Variants in ZNF268 observed in about 807,000 individuals in gnomAD.
ZNF268 encodes zinc finger protein 3.
Under a neutral mutation model 29.3 loss-of-function variants are expected in ZNF268, and 20 were observed. The ratio of observed to expected loss-of-function variants is 0.68; its 90% confidence interval spans 0.48 to 0.99. The LOEUF (loss-of-function observed/expected upper bound fraction) is 0.99. ZNF268 is among the 50% of genes least tolerant of loss of function. ZNF268 has a pLI of 0.00. For missense variants in ZNF268, 1,240 were observed against 1,121.6 expected, an observed-to-expected ratio of 1.11 and a Z score of -1.51; for synonymous variants, 429 against 376.9, an observed-to-expected ratio of 1.14 and a Z score of -1.60.
At chr12:133,184,797 T>C (rs1956267569) in intron 2 of ZNF268, 2 of 408,674 alleles carry the variant, frequency 4.9e-6, no homozygotes, top group Non-Finnish European at 1.0e-5. Context: ...GCCCCACCTC[T>C]TAATACCATC....
intron 2 of ZNF268, chr12:133,184,603 C>T (rs1457790624): frequency 8.3e-6 from 3 of 362,856 alleles, no homozygotes; most frequent in African/African-American, 4.6e-5. Flanking sequence ...AAGGCCGCAC[C>T]TCTTTATTTA....
At chr12:133,186,283 C>G (rs1956312453) in intron 2 of ZNF268, among the ~76,000 whole-genome samples, 1 of 151,954 alleles carries the variant, frequency 6.6e-6, no homozygotes, top group African/African-American at 2.4e-5. Context: ...TTCTAGGATC[C>G]TAGACCCTGA....
intron 5 of ZNF268, among the ~76,000 whole-genome samples, chr12:133,192,522 G>C (rs1956501280): frequency 6.6e-6 from 1 of 152,018 alleles, no homozygotes; most frequent in Non-Finnish European, 1.5e-5. Context: ...TCCTTCACTT[G>C]ATGTGACTCT....
In ZNF268 at chr12:133,203,115, TGTG is replaced by T; in HGVS notation, c.1432_1434del (p.Gly478del). On this transcript the variant is annotated inframe_deletion, in exon 6 of 6. Transcript: ENST00000536435. Reference sequence around the variant, plus strand: ...AGTAAAGCCCTATGGGTGTATTCAGTGTGGTAAAGGATTCAGTTTGAAATCACA... The same window carrying T: ...AGTAAAGCCCTATGGGTGTATTCAGTGTAAAGGATTCAGTTTGAAATCACA... 1 of 1,537,436 alleles carries T rather than the reference TGTG, an allele frequency of 6.5e-7. No individual in the cohort carries two copies.
rs1401010000 is a variant in ZNF268 at position 133,211,283 on chromosome 12, A to G, written c.*6753A>G. 2.9e-6 allele frequency: 1 copy of G among 349,352 alleles called. No homozygotes were observed. The highest frequency in any genetic ancestry group is 2.1e-5 in the African/African-American group (1 of 46,592). 21.6% of individuals were successfully genotyped at this position (349,352 alleles called of 1,614,324 possible). A position where few individuals can be genotyped will look rare whatever the true frequency, so the allele number is the denominator to read the frequency against. On this transcript the variant is annotated 3_prime_UTR_variant, in exon 6 of 6. Coordinates refer to ENST00000536435, the MANE Select transcript of ZNF268 (RefSeq NM_003415.3). ...GGACAGATCCAAATACATACTTTCC[A>G]AAGATATACAGATGGTGGCCAGGCA...
In ZNF268 at chr12:133,202,359, A is replaced by G; in HGVS notation, c.673A>G (p.Asn225Asp). 1 of 1,611,416 alleles carries G rather than the reference A, an allele frequency of 6.2e-7. No individual in the cohort carries two copies. The highest frequency in any genetic ancestry group is 8.5e-7 in the Non-Finnish European group (1 of 1,178,616). The part of the protein sequence containing the change: ...FTSDYARNNP[N>D]GFQVHGKSFF... ...TAGTGATTATGCTAGAAATAATCCT[A>G]ATGGGTTTCAGGTACATGGAAAATC... is the stretch of plus-strand genomic sequence containing the variant. The change falls in exon 6 of 6, where the codon AAT becomes GAT. Residue 225 changes from asparagine (N) to aspartate (D), a missense_variant. This residue lies in a region of ZNF268 where 1,177 missense variants were observed against 1,039.6 expected (regional missense o/e 1.13). Transcript: ENST00000536435.
rs565059550 is a variant in ZNF268 at position 133,212,445 on chromosome 12, TTATATATATATATATATATA to T, written c.*7949_*7968del. Reference sequence around the variant, plus strand: ...CCAAGGGAGACTTTCATGTGTGATTTTATATATATATATATATATATATATATATATATATATATATATAT... The same window carrying T: ...CCAAGGGAGACTTTCATGTGTGATTTTATATATATATATATATATATATAT... On this transcript the variant is annotated 3_prime_UTR_variant, in exon 6 of 6. Transcript: ENST00000536435. The T allele has an allele frequency of 4.4e-4, 52 of 118,588 alleles. No homozygotes were observed. The highest frequency in any genetic ancestry group is 1.1e-3 in the South Asian group (4 of 3,636). 7.3% of individuals were successfully genotyped at this position (118,588 alleles called of 1,614,324 possible). A position where few individuals can be genotyped will look rare whatever the true frequency, so the allele number is the denominator to read the frequency against.
At chr12:133,194,486 T>G (rs1050625752) in intron 5 of ZNF268, among the ~76,000 whole-genome samples, 4 of 152,124 alleles carry the variant, frequency 2.6e-5, no homozygotes, top group African/African-American at 9.7e-5. Flanking sequence ...CCTGTGGATA[T>G]ACCAGTGGCC....
At position 133,208,125 on chromosome 12, in the gene ZNF268, T is replaced by C. The variant is rs971202858; in HGVS notation, c.*3595T>C. Reference sequence around the variant, plus strand: ...ACTTGGGAAGGCTGAGGCTGGAGGATTGCTGGAACCCAGGAGTTCGAGACA... The same window carrying C: ...ACTTGGGAAGGCTGAGGCTGGAGGACTGCTGGAACCCAGGAGTTCGAGACA... On this transcript the variant is annotated 3_prime_UTR_variant, in exon 6 of 6. Coordinates refer to ENST00000536435, the MANE Select transcript of ZNF268 (RefSeq NM_003415.3). 2 of 152,244 alleles carry C rather than the reference T, an allele frequency of 1.3e-5. No individual in the cohort carries two copies. The highest frequency in any genetic ancestry group is 3.9e-4 in the East Asian group (2 of 5,174). The allele number at this position is 152,244 out of a possible 1,614,324, so 9.4% of individuals were successfully genotyped here.
Position 133,202,669 on chromosome 12 carries a change from G to A in ZNF268, c.983G>A (p.Gly328Glu). 1 of 1,607,690 alleles carries A rather than the reference G, an allele frequency of 6.2e-7. No individual in the cohort carries two copies. The highest frequency in any genetic ancestry group is 8.5e-7 in the Non-Finnish European group (1 of 1,176,688). ...YLIVHQRIHTGEKLHECSECR... is the reference protein window; with the variant it reads ...YLIVHQRIHTEEKLHECSECR... ...ATTGTACATCAGAGAATTCATACAG[G>A]AGAGAAACTACATGAATGCAGTGAA... The change falls in exon 6 of 6, where the codon GGA (glycine) becomes GAA (glutamate). Residue 328 changes from glycine to glutamate, a missense_variant. Transcript: ENST00000536435.
At chr12:133,198,567 T>G (rs1956672885) in intron 5 of ZNF268, among the ~76,000 whole-genome samples, 2 of 152,194 alleles carry the variant, frequency 1.3e-5, no homozygotes. Flanking sequence ...TTCAATTCTA[T>G]GAAGAAAGTC....
rs542351650 is a variant in ZNF268 at position 133,203,874 on chromosome 12, G to A, written c.2188G>A (p.Gly730Arg). The A allele has an allele frequency of 8.3e-6, 13 of 1,571,424 alleles. No individual in the cohort carries two copies. In the Admixed American group the frequency reaches 9.3e-5, roughly 11 times the overall value. Residue 730 changes from glycine to arginine, a missense_variant, in exon 6 of 6, where the codon GGG (glycine) becomes AGG (arginine). Physicochemically the swap from Gly to Arg is moderately radical, Grantham distance 125. This residue lies in a region of ZNF268 where 1,177 missense variants were observed against 1,039.6 expected (regional missense o/e 1.13). Transcript: ENST00000536435. ...GAAACCACATGAGTGCAGGGAATGCGGGAAATCCTTTAGTTTCAATTCACA... is the reference window on the plus strand; with the variant it reads ...GAAACCACATGAGTGCAGGGAATGCAGGAAATCCTTTAGTTTCAATTCACA... ...GEKPHECREC[G>R]KSFSFNSQLI... is the part of the protein sequence containing the mutation.
In ZNF268 at chr12:133,193,527, T is replaced by C; in HGVS notation, c.457+1524T>C. 6 of 689,046 alleles carry C rather than the reference T, an allele frequency of 8.7e-6. No individual in the cohort carries two copies. In the South Asian group the frequency reaches 9.3e-5, roughly 11 times the overall value. 42.7% of individuals were successfully genotyped at this position (689,046 alleles called of 1,614,324 possible). A position where few individuals can be genotyped will look rare whatever the true frequency, so the allele number is the denominator to read the frequency against. On this transcript the variant is annotated intron_variant, in intron 5 of 5. Coordinates refer to ENST00000536435, the MANE Select transcript of ZNF268 (RefSeq NM_003415.3). ...AAGATGACGCCTTGTTGCTGCATCC[T>C]CTGGAGGTGAGGAACACTGTGGGAC...
chr12:133,199,070 G>T (rs367642817), intron 5 of ZNF268, among the ~76,000 whole-genome samples: 1 of 152,030 alleles, frequency 6.6e-6, no homozygotes, highest in Non-Finnish European at 1.5e-5. Context: ...TTCCAACACT[G>T]TGTTGAATAG....
chr12:133,187,953 ACT>A lies in ZNF268; in HGVS notation c.117_118del (p.Pro40TrpfsTer75). 1 of 1,600,032 alleles carries A rather than the reference ACT, an allele frequency of 6.2e-7. No homozygotes were observed. The highest frequency in any genetic ancestry group is 2.2e-5 in the East Asian group (1 of 44,540). On this transcript the variant is annotated frameshift_variant, in exon 3 of 6. Transcript: ENST00000536435. LOFTEE classifies it high-confidence loss of function. ...TCAGGAATCCATCTTGGGCCAAGGG[ACT>A]CCTGGTCTGCAACCTCTCCCTGGAA... ...QGQESILGQG[T>X]PGLQPLPGTP...
At chr12:133,202,121 T>G in intron 5 of ZNF268, 23 bp from the exon 6 acceptor site, 1 of 1,525,928 alleles carries the variant, frequency 6.6e-7, no homozygotes, top group South Asian at 1.3e-5. Context: ...TTATAACATG[T>G]GACCAATTGT....
In ZNF268 at chr12:133,207,151, C is replaced by T. The variant is rs1016672481; in HGVS notation, c.*2621C>T. 2.0e-5 allele frequency: 3 copies of T among 152,032 alleles called. No homozygotes were observed. The highest frequency in any genetic ancestry group is 7.3e-5 in the African/African-American group (3 of 41,362). 9.4% of individuals were successfully genotyped at this position (152,032 alleles called of 1,614,324 possible). Reference sequence around the variant, plus strand: ...TTGTAAATCTATCTAGTCCTTCTACCCCAGCCCCAGAAAAGAAAGACATTC... The same window carrying T: ...TTGTAAATCTATCTAGTCCTTCTACTCCAGCCCCAGAAAAGAAAGACATTC... On this transcript the variant is annotated 3_prime_UTR_variant, in exon 6 of 6. Transcript: ENST00000536435.
Position 133,204,405 on chromosome 12 carries a change from C to A in ZNF268, c.2719C>A (p.Leu907Ile). The A allele has an allele frequency of 1.3e-6, 2 of 1,570,058 alleles. No homozygotes were observed. The highest frequency in any genetic ancestry group is 2.3e-5 in the South Asian group (2 of 86,670). ...CGKTFSQKSI[L>I]SAHQRTHTGE... ...GAAAACCTTCTCTCAAAAATCAATTCTCAGTGCACATCAGAGAACACATAC... is the reference window on the plus strand; with the variant it reads ...GAAAACCTTCTCTCAAAAATCAATTATCAGTGCACATCAGAGAACACATAC... Residue 907 changes from leucine (L) to isoleucine (I), a missense_variant, in exon 6 of 6, where the codon CTC becomes ATC. Coordinates refer to ENST00000536435, the MANE Select transcript of ZNF268 (RefSeq NM_003415.3).
In ZNF268 at chr12:133,214,219, C is replaced by T. The variant is rs1353303928; in HGVS notation, c.*9689C>T. 2.0e-5 allele frequency: 3 copies of T among 152,134 alleles called. No individual in the cohort carries two copies. The highest frequency in any genetic ancestry group is 7.2e-5 in the African/African-American group (3 of 41,436). The allele number at this position is 152,134 out of a possible 1,614,324, so 9.4% of individuals were successfully genotyped here. ...ATCATGGAAATATAAATCAAAAATA[C>T]AATGAGATAACACTCCATACCCATC... On this transcript the variant is annotated 3_prime_UTR_variant, in exon 6 of 6. Transcript: ENST00000536435.
Sources: allele counts gnomAD v4.1 joint callset (sites outside exome capture counted in the v4.1 genomes callset), GRCh38; gene constraint gnomAD v4.1.1; regional missense constraint gnomAD v4.1.1; transcripts MANE v1.5; gene names NCBI Gene and HGNC (gene_info 2026-07-23, HGNC 2026-07-21).